SUSD1: variants seen among roughly 807,000 people sequenced by gnomAD.
SUSD1 encodes the protein sushi domain-containing protein 1.
SUSD1 carries 65 observed loss-of-function variants against 86.9 expected under a neutral mutation model. The ratio of observed to expected loss-of-function variants is 0.75; its 90% CI spans 0.61 to 0.92. The LOEUF is 0.92. SUSD1 is among the 40% of genes least tolerant of loss of function. SUSD1 has a pLI of 0.00. For synonymous variants in SUSD1, 346 were observed against 350.0 expected, an observed-to-expected ratio of 0.99 and a Z score of 0.13; for missense variants, 850 against 929.7, an observed-to-expected ratio of 0.91 and a Z score of 1.11.
chr9:112,123,692 C>T (rs549420980), intron 6 of SUSD1, among the ~76,000 whole-genome samples: 2 of 152,018 alleles, frequency 1.3e-5, no homozygotes, highest in South Asian at 2.1e-4. Flanking sequence ...CCCAGCTACT[C>T]GGGAGGCTGA....
chr9:112,115,481 A>G (rs1226131558), intron 6 of SUSD1, among the ~76,000 whole-genome samples: 1 of 152,160 alleles, frequency 6.6e-6, no homozygotes, highest in Non-Finnish European at 1.5e-5. Context: ...TTCTCCCTAG[A>G]ACACACACAA....
chr9:112,079,604 CTTT>C (rs34242117), intron 11 of SUSD1, among the ~76,000 whole-genome samples: 54 of 139,550 alleles, frequency 3.9e-4, no homozygotes, highest in African/African-American at 1.4e-3. Flanking sequence ...CTTCCCCCTC[CTTT>C]TTTTTTTTTT....
At chr9:112,063,073 A>G (rs1294571396) in intron 12 of SUSD1, 40 bp from the exon 13 acceptor site, 42 of 1,292,448 alleles carry the variant, frequency 3.2e-5, no homozygotes, top group Non-Finnish European at 4.7e-5. Context: ...GTATGATTGG[A>G]ACAAGTAAAC....
intron 9 of SUSD1, among the ~76,000 whole-genome samples, chr9:112,099,422 T>C (rs780903910): frequency 1.3e-5 from 2 of 152,090 alleles, no homozygotes; most frequent in African/African-American, 2.4e-5. Context: ...GGTGGGTTCC[T>C]TAACCCTACC....
chr9:112,155,183 A>G (rs1215115132), intron 2 of SUSD1, among the ~76,000 whole-genome samples: 2 of 151,702 alleles, frequency 1.3e-5, no homozygotes, highest in Admixed American at 6.6e-5. Context: ...CCCAGGAGGC[A>G]GAGGTTGCAG....
At chr9:112,130,927 G>A (rs1430336006) in intron 5 of SUSD1, among the ~76,000 whole-genome samples, 5 of 152,126 alleles carry the variant, frequency 3.3e-5, no homozygotes, top group Admixed American at 3.3e-4. Context: ...GGAGGCTGAG[G>A]TGGGAGAATC....
chr9:112,172,716 C>T (rs1296180849), intron 1 of SUSD1, among the ~76,000 whole-genome samples: 1 of 152,202 alleles, frequency 6.6e-6, no homozygotes, highest in Non-Finnish European at 1.5e-5. Context: ...GTTATTAAAT[C>T]CTTCCTTCCA....
intron 1 of SUSD1, among the ~76,000 whole-genome samples, chr9:112,172,208 A>G (rs1834074874): frequency 1.3e-5 from 2 of 151,960 alleles, no homozygotes; most frequent in Admixed American, 1.3e-4. Context: ...AAAAAAAAAA[A>G]AAAGAGTATC....
intron 14 of SUSD1, among the ~76,000 whole-genome samples, chr9:112,053,252 C>T (rs1321586484): frequency 6.6e-6 from 1 of 151,762 alleles, no homozygotes; most frequent in African/African-American, 2.4e-5. Flanking sequence ...CAGTGGCTCA[C>T]ACCTGTAATC....
At chr9:112,071,968 T>TA (rs539200117) in intron 12 of SUSD1, among the ~76,000 whole-genome samples, 175 of 152,282 alleles carry the variant, frequency 1.1e-3, no homozygotes, top group African/African-American at 4.0e-3. Context: ...TCAATAAAGT[T>TA]ATGAGACTTC....
chr9:112,160,963 G>A (rs565114858), intron 1 of SUSD1, among the ~76,000 whole-genome samples: 1 of 152,350 alleles, frequency 6.6e-6, no homozygotes, highest in African/African-American at 2.4e-5. Flanking sequence ...AAACTGAAGT[G>A]AGGATGAGTC....
Position 112,150,455 on chromosome 9 carries a change from C to T in SUSD1, c.218-1056G>A, listed in dbSNP as rs192691986. On this transcript the variant is annotated intron_variant, in intron 2 of 16. Coordinates refer to ENST00000374270, the MANE Select transcript of SUSD1 (RefSeq NM_022486.5). ...TCCGTTTAATGGCCTCTCACAATTG[C>T]ACTCAATTCTTATTCAACCAAAAGT... Among the ~76,000 whole-genome samples, 12 of 152,296 alleles carry T rather than the reference C, an allele frequency of 7.9e-5. No homozygotes were observed. The East Asian group carries it at 1.5e-3, about 20-fold the overall frequency.
rs777313937 is a variant in SUSD1, at chr9:112,078,654, C to T, written c.1637G>A (p.Ser546Asn). 1.2e-6 allele frequency: 2 copies of T among 1,614,078 alleles called. No homozygotes were observed. Among genetic ancestry groups the T allele is most frequent in the Admixed American group, 1.7e-5 (1 of 60,014 alleles). Residue 546 changes from serine to asparagine, a missense_variant, in exon 12 of 17, where the codon AGC becomes AAC. Transcript: ENST00000374270. ...CAAGCACACCTCGGGATCTCGGCTGCTGCTACTGATATTAAAGGTCATTTC... is the reference window on the plus strand; with the variant it reads ...CAAGCACACCTCGGGATCTCGGCTGTTGCTACTGATATTAAAGGTCATTTC... ...AQEMTFNISSSSRDPEVCLDL... is the reference protein window; with the variant it reads ...AQEMTFNISSNSRDPEVCLDL...
At chr9:112,174,832 A>G (rs1307583117) in intron 1 of SUSD1, among the ~76,000 whole-genome samples, 1 of 151,198 alleles carries the variant, frequency 6.6e-6, no homozygotes, top group Non-Finnish European at 1.5e-5. Flanking sequence ...GCTCGCGCCC[A>G]GCCCCCACCC....
chr9:112,082,700 A>G (rs1419994385), intron 10 of SUSD1, among the ~76,000 whole-genome samples: 1 of 151,826 alleles, frequency 6.6e-6, no homozygotes, highest in Non-Finnish European at 1.5e-5. Context: ...CACTAAATTC[A>G]TGTTGCTTTT....
intron 2 of SUSD1, among the ~76,000 whole-genome samples, chr9:112,151,761 G>T (rs2131798475): frequency 6.6e-6 from 1 of 151,942 alleles, no homozygotes; most frequent in East Asian, 1.9e-4. Flanking sequence ...AATTAGGCCG[G>T]GTGCGGTGGC....
intron 10 of SUSD1, among the ~76,000 whole-genome samples, chr9:112,080,482 G>A (rs193220201): frequency 6.6e-6 from 1 of 152,268 alleles, no homozygotes; most frequent in African/African-American, 2.4e-5. Context: ...GAGGCCACGA[G>A]TTCGAGACCA....
At chr9:112,174,402 C>A (rs1240613975) in intron 1 of SUSD1, among the ~76,000 whole-genome samples, 1 of 152,140 alleles carries the variant, frequency 6.6e-6, no homozygotes, top group East Asian at 1.9e-4. Context: ...ACCTCCCCTG[C>A]GTGTCTGAAT....
chr9:112,078,883 G>A (rs1056630742), intron 11 of SUSD1, among the ~76,000 whole-genome samples, 159 bp from the exon 12 acceptor site: 19 of 141,988 alleles, frequency 1.3e-4, no homozygotes, highest in Non-Finnish European at 2.5e-4. Flanking sequence ...GCATGACCTC[G>A]GCTCACTGCA....
Sources: gnomAD v4.1 joint callset for allele counts (sites outside exome capture counted in the v4.1 genomes callset) on GRCh38, gnomAD v4.1.1 for gene constraint, MANE v1.5 for transcripts, NCBI Gene and HGNC (gene_info 2026-07-23, HGNC 2026-07-21) for gene names.